The following IL1RAPL1 variants were observed in gnomAD, a reference collection of about 807,000 sequenced individuals.
IL1RAPL1 encodes interleukin-1 receptor accessory protein-like 1.
Under a neutral mutation model 48.4 loss-of-function variants are expected in IL1RAPL1, and 3 were observed. The observed-to-expected ratio is 0.06, with a 90% CI of 0.03 to 0.16. The LOEUF is 0.16. IL1RAPL1 is among the 10% of genes least tolerant of loss of function. The probability of loss-of-function intolerance (pLI) is 1.00; values close to 1 mark genes in which losing one functional copy is unlikely to be tolerated. For missense variants in IL1RAPL1, 349 were observed against 530.6 expected (o/e 0.66, Z 3.36); for synonymous variants, 185 against 187.7 (o/e 0.99, Z 0.12).
intron 6 of IL1RAPL1, among the ~76,000 whole-genome samples, chrX:29,737,474 G>A (rs1428830434): frequency 8.9e-6 from 1 of 111,886 alleles, no homozygotes; most frequent in Non-Finnish European, 1.9e-5. Context: ...ACATTGCCAG[G>A]AAGCTAAGTC....
At chrX:29,780,616 A>G (rs1929316443) in intron 6 of IL1RAPL1, among the ~76,000 whole-genome samples, 1 of 111,477 alleles carries the variant, frequency 9.0e-6, no homozygotes, top group Non-Finnish European at 1.9e-5. Context: ...GTATAAAGGG[A>G]AAATCAGGCA....
intron 6 of IL1RAPL1, among the ~76,000 whole-genome samples, chrX:29,829,041 G>A (rs1348081797): frequency 9.1e-6 from 1 of 110,400 alleles, no homozygotes; most frequent in Non-Finnish European, 1.9e-5. Flanking sequence ...CACTTCCAAA[G>A]CTGCTTCAGG....
intron 2 of IL1RAPL1, among the ~76,000 whole-genome samples, chrX:28,949,984 T>C (rs999301868): frequency 7.2e-5 from 8 of 110,886 alleles, no homozygotes; most frequent in Admixed American, 1.9e-4. Context: ...TTGCCATTGC[T>C]TTTGGTGTTA....
intron 5 of IL1RAPL1, among the ~76,000 whole-genome samples, chrX:29,620,422 G>C (rs1369663910): frequency 9.0e-6 from 1 of 111,551 alleles, no homozygotes; most frequent in Admixed American, 9.5e-5. Context: ...ACTGAATACT[G>C]TAGGCAGATG....
chrX:29,495,792 A>G lies in IL1RAPL1; in HGVS notation c.703+96484A>G, dbSNP rs1186298311. Among the ~76,000 whole-genome samples the G allele has an allele frequency of 4.5e-5, 5 of 111,139 alleles. No homozygotes were observed. In the Admixed American group the frequency reaches 4.8e-4, roughly 11 times the overall value. Reference sequence around the variant, plus strand: ...CCTTGTGCCCAAACAACATGATCGAATCATTTCAATTGAAATACATACTAT... The same window carrying G: ...CCTTGTGCCCAAACAACATGATCGAGTCATTTCAATTGAAATACATACTAT... On this transcript the variant is annotated intron_variant, in intron 5 of 10. Transcript: ENST00000378993.
intron 6 of IL1RAPL1, among the ~76,000 whole-genome samples, chrX:29,769,260 T>C (rs1383559044): frequency 9.1e-6 from 1 of 110,073 alleles, no homozygotes; most frequent in African/African-American, 3.3e-5. Flanking sequence ...TATTTATCCA[T>C]TTACCAATTG....
intron 6 of IL1RAPL1, among the ~76,000 whole-genome samples, chrX:29,777,370 A>T (rs1929223100): frequency 8.9e-6 from 1 of 112,218 alleles, no homozygotes; most frequent in African/African-American, 3.2e-5. Flanking sequence ...GTTCATCTCA[A>T]TGGGAGAAGA....
intron 3 of IL1RAPL1, among the ~76,000 whole-genome samples, chrX:29,352,268 T>C (rs2147653520): frequency 1.8e-5 from 2 of 111,241 alleles, no homozygotes; most frequent in Non-Finnish European, 3.8e-5. Flanking sequence ...TTGTTTTGTT[T>C]TGTTTCTATT....
chrX:29,658,995 G>C (rs1271759172), intron 5 of IL1RAPL1, among the ~76,000 whole-genome samples: 1 of 111,687 alleles, frequency 9.0e-6, no homozygotes, highest in Admixed American at 9.5e-5. Flanking sequence ...CACATTCATT[G>C]CAATCCCTAT....
intron 2 of IL1RAPL1, among the ~76,000 whole-genome samples, chrX:29,072,201 A>G (rs1927579362): frequency 9.1e-6 from 1 of 109,503 alleles, no homozygotes; most frequent in Non-Finnish European, 1.9e-5. Context: ...TTCTCCAGTG[A>G]CTTGGATTCC....
At chrX:29,189,007 G>C (rs1358563090) in intron 2 of IL1RAPL1, among the ~76,000 whole-genome samples, 1 of 112,110 alleles carries the variant, frequency 8.9e-6, no homozygotes, top group Non-Finnish European at 1.9e-5. Context: ...GCCATAAGAA[G>C]GGAACAATTG....
chrX:29,161,659 T>C (rs947914525), intron 2 of IL1RAPL1, among the ~76,000 whole-genome samples: 1 of 112,559 alleles, frequency 8.9e-6, no homozygotes, highest in Non-Finnish European at 1.9e-5. Context: ...TTCTGTATGC[T>C]ATAGTGGAGC....
chrX:29,918,993 G>T (rs1932825851), intron 7 of IL1RAPL1, among the ~76,000 whole-genome samples: 1 of 111,538 alleles, frequency 9.0e-6, no homozygotes, highest in South Asian at 3.8e-4. Context: ...TTTAATCATG[G>T]TCCCCCATTC....
chrX:28,985,327 A>G (rs1328514035), intron 2 of IL1RAPL1, among the ~76,000 whole-genome samples: 1 of 112,008 alleles, frequency 8.9e-6, no homozygotes, highest in Non-Finnish European at 1.9e-5. Context: ...AAAATTATCA[A>G]TTGTGATCAC....
At chrX:28,849,190 ACTT>A (rs1276928019) in intron 2 of IL1RAPL1, among the ~76,000 whole-genome samples, 2 of 110,793 alleles carry the variant, frequency 1.8e-5, no homozygotes, top group Non-Finnish European at 3.8e-5. Flanking sequence ...AAAAGACTCT[ACTT>A]CTGAAAAGGG....
chrX:29,912,944 T>A (rs755577480), intron 6 of IL1RAPL1, among the ~76,000 whole-genome samples: 4 of 112,212 alleles, frequency 3.6e-5, no homozygotes, highest in Non-Finnish European at 7.5e-5. Flanking sequence ...TTCTATCAAG[T>A]CCTGGTTCTT....
At chrX:29,230,706 T>C (rs1931187551) in intron 2 of IL1RAPL1, among the ~76,000 whole-genome samples, 1 of 109,630 alleles carries the variant, frequency 9.1e-6, no homozygotes, top group Non-Finnish European at 1.9e-5. Flanking sequence ...CACAAGTTAA[T>C]TTGATGAAGT....
intron 5 of IL1RAPL1, among the ~76,000 whole-genome samples, chrX:29,550,350 C>T (rs1051823443): frequency 4.5e-5 from 5 of 110,706 alleles, no homozygotes; most frequent in Non-Finnish European, 9.5e-5. Context: ...CGCCACCACG[C>T]CCGGCTAATT....
At chrX:29,796,287 C>T in intron 6 of IL1RAPL1, among the ~76,000 whole-genome samples, 1 of 112,372 alleles carries the variant, frequency 8.9e-6, no homozygotes, top group Non-Finnish European at 1.9e-5. Context: ...ATGCCTATGA[C>T]AAACAAATTT....
Sources: allele counts gnomAD v4.1 joint callset (sites outside exome capture counted in the v4.1 genomes callset), GRCh38; gene constraint gnomAD v4.1.1; transcripts MANE v1.5; gene names NCBI Gene and HGNC (gene_info 2026-07-23, HGNC 2026-07-21).